COPS8: variants seen among roughly 807,000 people sequenced by gnomAD.
COPS8 encodes the protein COP9 signalosome subunit 8, also known as COP9 signalosome complex subunit 8.
Under a neutral mutation model 31.5 loss-of-function variants are expected in COPS8, and 11 were observed. The ratio of observed to expected loss-of-function variants is 0.35; its 90% CI spans 0.22 to 0.58. COPS8 has a LOEUF of 0.58. Ranked by LOEUF, COPS8 falls within the 20% of genes least tolerant of loss-of-function variation. The probability of loss-of-function intolerance (pLI) is 0.83; values close to 1 mark genes in which losing one functional copy is unlikely to be tolerated. For synonymous variants in COPS8, 81 were observed against 89.3 expected (o/e 0.91, Z 0.52); for missense variants, 215 against 255.1 (o/e 0.84, Z 1.07).
chr2:237,096,793 T>A, intron 6 of COPS8, 29 bp from the exon 7 acceptor site: 1 of 1,581,466 alleles, frequency 6.3e-7, no homozygotes, highest in Non-Finnish European at 8.7e-7. Flanking sequence ...TTCTGTAAAT[T>A]GAGCTGTACA....
intron 4 of COPS8, 80 bp from the exon 5 acceptor site, chr2:237,094,010 A>G: frequency 2.6e-6 from 4 of 1,560,432 alleles, no homozygotes; most frequent in Non-Finnish European, 2.6e-6. Context: ...CTAGACAAGG[A>G]CAGTGGTGTG....
rs530206864 is a variant in COPS8, at chr2:237,094,397, A to G, written c.439+200A>G. Among the ~76,000 whole-genome samples the G allele has an allele frequency of 2.6e-5, 4 of 152,278 alleles. No homozygotes were observed. In the East Asian group the frequency reaches 7.7e-4, roughly 29 times the overall value. On this transcript the variant is annotated intron_variant, in intron 5 of 7. Transcript: ENST00000354371. Reference sequence around the variant, plus strand: ...TCAAGCATATTAATAGTTCTATAGCAAGCAAATGTGTGAGTATCCACACAG... The same window carrying G: ...TCAAGCATATTAATAGTTCTATAGCGAGCAAATGTGTGAGTATCCACACAG...
At chr2:237,093,845 T>C in intron 4 of COPS8, 1 of 1,143,584 alleles carries the variant, frequency 8.7e-7, no homozygotes, top group Non-Finnish European at 1.1e-6. Context: ...TTTCCATCTT[T>C]GTAATTTTCA....
At chr2:237,095,151 A>G (rs1696776774) in intron 5 of COPS8, among the ~76,000 whole-genome samples, 1 of 152,192 alleles carries the variant, frequency 6.6e-6, no homozygotes, top group Admixed American at 6.5e-5. Context: ...ATTTACTCAT[A>G]CAAACATTTA....
chr2:237,093,723 TG>T (rs1696746947), intron 4 of COPS8: 1 of 989,126 alleles, frequency 1.0e-6, no homozygotes, highest in Non-Finnish European at 1.2e-6. Context: ...ATCAGTTTTC[TG>T]CTCCTTTGAT....
At chr2:237,095,487 T>C (rs113689391) in intron 5 of COPS8, among the ~76,000 whole-genome samples, 5 of 152,196 alleles carry the variant, frequency 3.3e-5, no homozygotes, top group East Asian at 1.9e-4. Flanking sequence ...ATTACTGATA[T>C]GATGGTCACA....
chr2:237,087,274 A>G (rs1696635277), intron 2 of COPS8, 77 bp downstream of exon 2: 1 of 988,918 alleles, frequency 1.0e-6, no homozygotes, highest in Admixed American at 2.3e-5. Context: ...CTGAAGTAGC[A>G]CCACTAAACA....
intron 3 of COPS8, among the ~76,000 whole-genome samples, chr2:237,088,945 C>T (rs1189517678): frequency 6.6e-6 from 1 of 152,090 alleles, no homozygotes. Context: ...CTGGAGGTGG[C>T]GGAGGCAGCT....
chr2:237,093,615 AG>A, intron 4 of COPS8: 1 of 828,182 alleles, frequency 1.2e-6, no homozygotes, highest in Non-Finnish European at 1.5e-6. Flanking sequence ...AGTTTGATGC[AG>A]ACTTGGAAGA....
chr2:237,091,393 G>T (rs1452755044), intron 4 of COPS8, among the ~76,000 whole-genome samples: 2 of 152,182 alleles, frequency 1.3e-5, no homozygotes. Flanking sequence ...GGTTGTAAAT[G>T]AGTTAATATA....
Position 237,090,419 on chromosome 2 carries a change from G to A in COPS8, c.331+425G>A, listed in dbSNP as rs114729301. Among the ~76,000 whole-genome samples the A allele has an allele frequency of 7.2e-3, 1,100 of 152,296 alleles. 20 individuals are homozygous for A. The highest frequency in any genetic ancestry group is 0.026 in the African/African-American group (1,064 of 41,568). ...CAGTTTAATACATAGATGCTCAAAT[G>A]TGTTTTTAATTGCTTTGAAAGATTA... On this transcript the variant is annotated intron_variant, in intron 4 of 7. Transcript: ENST00000354371.
chr2:237,094,133 T>C lies in COPS8; in HGVS notation c.375T>C (p.Tyr125=). The C allele has an allele frequency of 1.9e-6, 3 of 1,614,094 alleles. No homozygotes were observed. The highest frequency in any genetic ancestry group is 2.5e-6 in the Non-Finnish European group (3 of 1,179,978). ...RRAFALVSQA[Y]TSIIADDFAA... ...CCTTTGCCCTGGTCTCTCAAGCGTA[T>C]ACTTCAATCATCGCCGATGATTTTG... is the stretch of plus-strand genomic sequence containing the variant. Residue 125 remains tyrosine, a synonymous_variant, in exon 5 of 8, where the codon TAT becomes TAC. Coordinates refer to ENST00000354371, the MANE Select transcript of COPS8 (RefSeq NM_006710.5).
chr2:237,097,612 T>A (rs1325012293), intron 7 of COPS8, 51 bp from the exon 8 acceptor site: 31 of 1,355,738 alleles, frequency 2.3e-5, no homozygotes, highest in Non-Finnish European at 3.1e-5. Flanking sequence ...GGGCCAAAGC[T>A]TTGTTACTGT....
chr2:237,099,980 A>T lies in COPS8; in HGVS notation c.*2238A>T, dbSNP rs897153000. 6 of 152,222 alleles carry T rather than the reference A, an allele frequency of 3.9e-5. No homozygotes were observed. Among genetic ancestry groups the T allele is most frequent in the African/African-American group, 1.2e-4 (5 of 41,456 alleles). The allele number at this position is 152,222 out of a possible 1,614,324, so 9.4% of individuals were successfully genotyped here. A position where few individuals can be genotyped will look rare whatever the true frequency, so the allele number is the denominator to read the frequency against. On this transcript the variant is annotated 3_prime_UTR_variant, in exon 8 of 8. Transcript: ENST00000354371. The stretch of plus-strand genomic sequence containing the variant: ...CTCTTAATAACCTCATCACTGTACA[A>T]GAAAGGCAGGGTAAGTGCTTGATTT...
chr2:237,094,824 G>C (rs1696768521), intron 5 of COPS8, among the ~76,000 whole-genome samples: 1 of 152,128 alleles, frequency 6.6e-6, no homozygotes, highest in South Asian at 2.1e-4. Context: ...AAATTAGCCA[G>C]GTGTGGTGGC....
chr2:237,096,813 T>C lies in COPS8; in HGVS notation c.503-9T>C, dbSNP rs1175061805. Reference sequence around the variant, plus strand: ...TAAATTGAGCTGTACATTTTTTTTTTGAATTTAGTTGCAGGGGCCCTGGAT... The same window carrying C: ...TAAATTGAGCTGTACATTTTTTTTTCGAATTTAGTTGCAGGGGCCCTGGAT... On this transcript the variant is annotated splice_polypyrimidine_tract_variant and intron_variant, in intron 6 of 7. Transcript: ENST00000354371. The C allele has an allele frequency of 2.5e-6, 4 of 1,607,512 alleles. No homozygotes were observed. Among genetic ancestry groups the C allele is most frequent in the Non-Finnish European group, 3.4e-6 (4 of 1,175,530 alleles).
At chr2:237,095,439 C>CAT (rs1323097761) in intron 5 of COPS8, among the ~76,000 whole-genome samples, 3 of 152,126 alleles carry the variant, frequency 2.0e-5, no homozygotes, top group Non-Finnish European at 4.4e-5. Flanking sequence ...GTAAACCTTC[C>CAT]ATATATGGAA....
chr2:237,100,234 G>T lies in COPS8; in HGVS notation c.*2492G>T, dbSNP rs1451379195. 6.6e-6 allele frequency: 1 copy of T among 152,190 alleles called. No individual in the cohort carries two copies. Among genetic ancestry groups the T allele is most frequent in the African/African-American group, 2.4e-5 (1 of 41,450 alleles). 9.4% of individuals were successfully genotyped at this position (152,190 alleles called of 1,614,324 possible). A position where few individuals can be genotyped will look rare whatever the true frequency, so the allele number is the denominator to read the frequency against. On this transcript the variant is annotated 3_prime_UTR_variant, in exon 8 of 8. Transcript: ENST00000354371. ...AGGGTAAGAAATTGAGATTGAGCAT[G>T]AAATATGTCCAGTACATCCATCAGC...
intron 4 of COPS8, among the ~76,000 whole-genome samples, chr2:237,091,012 G>T (rs947243082): frequency 6.6e-6 from 1 of 152,142 alleles, no homozygotes; most frequent in Non-Finnish European, 1.5e-5. Context: ...TAGTATCCTC[G>T]TGATTCAGCC....
Sources: allele counts gnomAD v4.1 joint callset (sites outside exome capture counted in the v4.1 genomes callset), GRCh38; gene constraint gnomAD v4.1.1; transcripts MANE v1.5; gene names NCBI Gene and HGNC (gene_info 2026-07-23, HGNC 2026-07-21).